MAP4K4: variants seen among roughly 807,000 people sequenced by gnomAD.
MAP4K4 encodes HPK/GCK-like kinase HGK.
In MAP4K4, 38 loss-of-function variants were observed where a neutral mutation model predicts 189.6. That is an observed-to-expected ratio of 0.20 (90% CI 0.15 to 0.26). The LOEUF (loss-of-function observed/expected upper bound fraction) is 0.26. Ranked by LOEUF, MAP4K4 falls within the 10% of genes least tolerant of loss-of-function variation. The pLI is 1.00. For missense variants in MAP4K4, 1,054 were observed against 1,726.9 expected (o/e 0.61, Z 6.91); for synonymous variants, 610 against 624.3 (o/e 0.98, Z 0.34).
intron 26 of MAP4K4, among the ~76,000 whole-genome samples, chr2:101,876,673 T>C (rs969965258): frequency 1.3e-5 from 2 of 152,160 alleles, no homozygotes; most frequent in Non-Finnish European, 1.5e-5. Context: ...TCTGTAAAGA[T>C]AGGAAATAAT....
chr2:101,705,864 G>C (rs1199093812), intron 2 of MAP4K4, among the ~76,000 whole-genome samples: 2 of 152,144 alleles, frequency 1.3e-5, no homozygotes, highest in African/African-American at 2.4e-5. Context: ...CCCACCCTTT[G>C]AACATTGGGG....
chr2:101,745,437 G>GT (rs1488186588), intron 2 of MAP4K4, among the ~76,000 whole-genome samples: 6 of 43,470 alleles, frequency 1.4e-4, no homozygotes, highest in African/African-American at 3.5e-4. Flanking sequence ...TTGCCCCCAG[G>GT]TAAAAAAAAA....
intron 2 of MAP4K4, among the ~76,000 whole-genome samples, chr2:101,741,533 C>G (rs1362008435): frequency 6.6e-6 from 1 of 152,132 alleles, no homozygotes; most frequent in Non-Finnish European, 1.5e-5. Context: ...TCCCTGCCCA[C>G]TTGCTAAATT....
chr2:101,702,633 CAG>C lies in MAP4K4; in HGVS notation c.123+4098_123+4099del, dbSNP rs2039597629. 2.6e-5 allele frequency among the ~76,000 whole-genome samples: 4 copies of C among 152,222 alleles called. 1 individual carries two copies. In the South Asian group the frequency reaches 8.3e-4, roughly 32 times the overall value. On this transcript the variant is annotated intron_variant, in intron 2 of 32. Coordinates refer to ENST00000324219, the Ensembl canonical transcript of MAP4K4. ...CAATTCTGAGTCTTGGAAGGACTGA[CAG>C]AGGGGAAATCCGGTAACAGTAACGT... is the stretch of plus-strand genomic sequence containing the variant.
chr2:101,859,014 C>G (rs1252124092), exon 14 of MAP4K4: 10 of 1,612,392 alleles, frequency 6.2e-6, no homozygotes, highest in Non-Finnish European at 8.5e-6. Context: ...CAGGCGACAG[C>G]TAGAAGAGGA....
chr2:101,848,839 G>T (rs1648426156), intron 12 of MAP4K4, among the ~76,000 whole-genome samples: 1 of 152,092 alleles, frequency 6.6e-6, no homozygotes, highest in Non-Finnish European at 1.5e-5. Flanking sequence ...GGAAGTCCTT[G>T]CAACTCTTTT....
chr2:101,769,801 C>CA (rs1052588031), intron 2 of MAP4K4, among the ~76,000 whole-genome samples: 23 of 152,100 alleles, frequency 1.5e-4, no homozygotes, highest in African/African-American at 5.5e-4. Flanking sequence ...AGGCTGGTCT[C>CA]AAACTCCTGA....
chr2:101,839,944 T>C, exon 10 of MAP4K4: 1 of 1,613,878 alleles, frequency 6.2e-7, no homozygotes, highest in East Asian at 2.2e-5. Flanking sequence ...CAAGTTAGAA[T>C]CCAGCTTAAG....
At chr2:101,838,175 A>G (rs1012370171) in intron 9 of MAP4K4, among the ~76,000 whole-genome samples, 1 of 152,206 alleles carries the variant, frequency 6.6e-6, no homozygotes, top group South Asian at 2.1e-4. Context: ...CTGTGGACAC[A>G]ATGCTTAGGA....
chr2:101,884,230 T>A (rs989723247), intron 28 of MAP4K4, among the ~76,000 whole-genome samples: 1 of 152,204 alleles, frequency 6.6e-6, no homozygotes, highest in Non-Finnish European at 1.5e-5. Flanking sequence ...ATTAAATTAA[T>A]AAAAATTAAG....
Position 101,797,889 on chromosome 2 carries a change from G to GTTT in MAP4K4, c.180+7132_180+7134dup, listed in dbSNP as rs58201235. Among the ~76,000 whole-genome samples the GTTT allele has an allele frequency of 6.1e-4, 32 of 52,310 alleles. 1 individual carries two copies. Among genetic ancestry groups the GTTT allele is most frequent in the East Asian group, 7.5e-4 (1 of 1,330 alleles). The allele number at this position is 52,310 out of a possible 152,430, so 34.3% of individuals were successfully genotyped here. On this transcript the variant is annotated intron_variant, in intron 3 of 32. Coordinates refer to ENST00000324219, the Ensembl canonical transcript of MAP4K4. ...TGAAGCTTTTTAAAACATTCTTTTA[G>GTTT]TTTTTTTTTTTTTTTTTTTTTGGAG...
In MAP4K4 at chr2:101,819,620, T is replaced by G. The variant is rs554342809; in HGVS notation, c.181-4308T>G. ...GAGAATATAATTTCCTTGCAATATATTTTGTAGTTATTTTTGTATGCTTCC... is the reference window on the plus strand; with the variant it reads ...GAGAATATAATTTCCTTGCAATATAGTTTGTAGTTATTTTTGTATGCTTCC... On this transcript the variant is annotated intron_variant, in intron 3 of 32. Coordinates refer to ENST00000324219, the Ensembl canonical transcript of MAP4K4. Among the ~76,000 whole-genome samples the G allele has an allele frequency of 5.9e-5, 9 of 152,322 alleles. No homozygotes were observed. In the East Asian group the frequency reaches 1.7e-3, roughly 29 times the overall value.
At chr2:101,866,528 G>A (rs548736889) in exon 19 of MAP4K4, 4 of 1,613,642 alleles carry the variant, frequency 2.5e-6, no homozygotes, top group South Asian at 2.2e-5. Flanking sequence ...ATCCCAGCCC[G>A]GGTCTCACCC....
intron 28 of MAP4K4, among the ~76,000 whole-genome samples, chr2:101,884,822 C>G (rs905500418): frequency 1.3e-5 from 2 of 152,126 alleles, no homozygotes; most frequent in East Asian, 3.8e-4. Context: ...GGACCTCGGT[C>G]TCTGTGTGTT....
chr2:101,808,061 A>G (rs1474444804), intron 3 of MAP4K4, among the ~76,000 whole-genome samples: 1 of 152,222 alleles, frequency 6.6e-6, no homozygotes, highest in Non-Finnish European at 1.5e-5. Flanking sequence ...CCAACAACGG[A>G]AGTTTTCTTC....
At chr2:101,735,402 T>C (rs1017032175) in intron 2 of MAP4K4, among the ~76,000 whole-genome samples, 1 of 152,196 alleles carries the variant, frequency 6.6e-6, no homozygotes, top group Non-Finnish European at 1.5e-5. Flanking sequence ...TCTTGGACAG[T>C]GTTTGAGCAG....
At chr2:101,735,029 G>A (rs1435971154) in intron 2 of MAP4K4, among the ~76,000 whole-genome samples, 1 of 152,002 alleles carries the variant, frequency 6.6e-6, no homozygotes, top group African/African-American at 2.4e-5. Flanking sequence ...GACTGAAATT[G>A]TACTACCTCG....
At chr2:101,880,469 C>T (rs1305594168) in intron 27 of MAP4K4, among the ~76,000 whole-genome samples, 2 of 151,006 alleles carry the variant, frequency 1.3e-5, no homozygotes, top group East Asian at 3.9e-4. Flanking sequence ...CATTGAATTG[C>T]TTGTGCTCCT....
In MAP4K4 at chr2:101,833,689, G is replaced by A. The variant is rs185976875; in HGVS notation, c.640-720G>A. 2.0e-4 allele frequency among the ~76,000 whole-genome samples: 31 copies of A among 151,550 alleles called. No individual in the cohort carries two copies. The East Asian group carries it at 4.1e-3, about 20-fold the overall frequency. The stretch of plus-strand genomic sequence containing the variant: ...ATCAGGCAATGTTTAGTGAGTACCC[G>A]CCATTACAAAAGTAAATAAAACTGG... On this transcript the variant is annotated intron_variant, in intron 7 of 32. Transcript: ENST00000324219.
Sources: allele counts gnomAD v4.1 joint callset (sites outside exome capture counted in the v4.1 genomes callset), GRCh38; gene constraint gnomAD v4.1.1; transcripts MANE v1.5; gene names NCBI Gene and HGNC (gene_info 2026-07-23, HGNC 2026-07-21).